The following GPN3 variants were observed in gnomAD, a reference collection of about 807,000 sequenced individuals.
The protein encoded by GPN3 is ATP-binding domain 1 family member C.
Under a neutral mutation model 38.7 loss-of-function variants are expected in GPN3, and 31 were observed. The ratio of observed to expected loss-of-function variants is 0.80; its 90% CI spans 0.60 to 1.08. The LOEUF (loss-of-function observed/expected upper bound fraction) is 1.08. Ranked by LOEUF, GPN3 falls within the 50% of genes least tolerant of loss-of-function variation. GPN3 has a pLI of 0.00. For missense variants in GPN3, 301 were observed against 354.4 expected (o/e 0.85, Z 1.21); for synonymous variants, 116 against 120.2 (o/e 0.96, Z 0.23).
Position 110,459,848 on chromosome 12 carries a change from TC to T in GPN3, c.171del (p.Ile58SerfsTer6). The T allele has an allele frequency of 6.2e-7, 1 of 1,613,986 alleles. No homozygotes were observed. Among genetic ancestry groups the T allele is most frequent in the Non-Finnish European group, 8.5e-7 (1 of 1,179,848 alleles). On this transcript the variant is annotated frameshift_variant, in exon 3 of 8. Coordinates refer to ENST00000228827, the MANE Select transcript of GPN3 (RefSeq NM_016301.4). LOFTEE classifies it high-confidence loss of function. ...NYSVMADIRELIEVDDVMEDD... is the reference protein window; with the variant it reads ...NYSVMADIREXIEVDDVMEDD... ...TCCTCCATTACATCATCCACCTCGA[TC>T]AGTTCCCGGATGTCTGAAAAGGACA...
intron 2 of GPN3, among the ~76,000 whole-genome samples, chr12:110,464,591 C>CTTTTT (rs890127843): frequency 7.4e-6 from 1 of 134,364 alleles, no homozygotes; most frequent in African/African-American, 2.7e-5. Flanking sequence ...TGTCCATTTA[C>CTTTTT]TTTTTTTTTT....
chr12:110,459,834 A>G lies in GPN3; in HGVS notation c.186T>C (p.Asp62=), dbSNP rs371265495. The change falls in exon 3 of 8, where the codon GAT becomes GAC. Residue 62 remains aspartate (D), a synonymous_variant. Transcript: ENST00000228827. ...ADIRELIEVD[D]VMEDDSLRFG... is the part of the protein sequence containing the mutation. ...ATCGCAGAGAATCATCCTCCATTAC[A>G]TCATCCACCTCGATCAGTTCCCGGA... The G allele has an allele frequency of 4.2e-5, 67 of 1,613,916 alleles. No homozygotes were observed. The highest frequency in any genetic ancestry group is 1.8e-4 in the Admixed American group (11 of 59,988).
At chr12:110,457,177 T>C (rs1426298762) in intron 4 of GPN3, among the ~76,000 whole-genome samples, 1 of 151,806 alleles carries the variant, frequency 6.6e-6, no homozygotes, top group African/African-American at 2.4e-5. Flanking sequence ...CTTGAACTCA[T>C]AGTTTAAAAA....
In GPN3 at chr12:110,458,812, G is replaced by A. The variant is rs1046695668; in HGVS notation, c.325+883C>T. Among the ~76,000 whole-genome samples the A allele has an allele frequency of 2.0e-5, 3 of 151,750 alleles. No homozygotes were observed. Among genetic ancestry groups the A allele is most frequent in the South Asian group, 2.1e-4 (1 of 4,810 alleles). On this transcript the variant is annotated intron_variant, in intron 3 of 7. Transcript: ENST00000228827. This position sits in a 1 kb window ranked among gnomAD's most constrained non-coding sequence, Gnocchi z 4.4. ...AAGAAAAAAAAAAAAGAAAATTCAC[G>A]ATTTGGCTTCAGAAGCCATGATGTG...
In GPN3 at chr12:110,457,578, C is replaced by G. The variant is rs754450751; in HGVS notation, c.382G>C (p.Glu128Gln). The change falls in exon 4 of 8, where the codon GAG becomes CAG. Residue 128 changes from glutamate (E) to glutamine (Q), a missense_variant. Physicochemically the swap from Glu to Gln is conservative, Grantham distance 29. Transcript: ENST00000228827. ...PVMKQLVQQL[E>Q]QWEFRVCGVF... Reference sequence around the variant, plus strand: ...CCACAGACTCGGAACTCCCACTGCTCGAGCTGCTGGACCAGCTGTTTCATC... The same window carrying G: ...CCACAGACTCGGAACTCCCACTGCTGGAGCTGCTGGACCAGCTGTTTCATC... 3.1e-6 allele frequency: 5 copies of G among 1,610,510 alleles called. No homozygotes were observed. The highest frequency in any genetic ancestry group is 4.2e-6 in the Non-Finnish European group (5 of 1,177,352).
Position 110,457,485 on chromosome 12 carries a change from A to G in GPN3, c.450+25T>C, listed in dbSNP as rs1342011306. On this transcript the variant is annotated intron_variant, in intron 4 of 7. Transcript: ENST00000228827. ...AAAAAAAAAAAAAAAAAAAAAAAAA[A>G]TCTGTAAGAGATTTAGCTTCAGACC... 8.1e-6 allele frequency: 10 copies of G among 1,234,176 alleles called. No individual in the cohort carries two copies. The South Asian group carries it at 1.4e-4, about 17-fold the overall frequency. The allele number at this position is 1,234,176 out of a possible 1,614,324, so 76.5% of individuals were successfully genotyped here. A position where few individuals can be genotyped will look rare whatever the true frequency, so the allele number is the denominator to read the frequency against.
chr12:110,461,697 T>G (rs1455570835), intron 2 of GPN3, among the ~76,000 whole-genome samples: 1 of 152,076 alleles, frequency 6.6e-6, no homozygotes, highest in Non-Finnish European at 1.5e-5. Flanking sequence ...TACCTTAGGT[T>G]TTTACTTATT....
chr12:110,461,341 G>T, intron 2 of GPN3: 1 of 762,368 alleles, frequency 1.3e-6, no homozygotes. Context: ...AAAATCTACA[G>T]ACAATGTCGA....
rs2062576054 is a variant in GPN3, at chr12:110,460,007, T to G, written c.158-145A>C. 11 of 638,772 alleles carry G rather than the reference T, an allele frequency of 1.7e-5. No homozygotes were observed. The South Asian group carries it at 2.1e-4, about 12-fold the overall frequency. 39.6% of individuals were successfully genotyped at this position (638,772 alleles called of 1,614,324 possible). ...TGTACATGGCTTTTCCCTGTAGCAG[T>G]GTCCATCAATAGAGAACTGAGCAAA... On this transcript the variant is annotated intron_variant, in intron 2 of 7. Transcript: ENST00000228827.
chr12:110,454,126 A>T (rs972035399), intron 6 of GPN3, among the ~76,000 whole-genome samples: 1 of 152,258 alleles, frequency 6.6e-6, no homozygotes, highest in Admixed American at 6.5e-5. Context: ...TGAATTCAAC[A>T]ACCACTGGAA....
chr12:110,453,858 C>A lies in GPN3; in HGVS notation c.677G>T (p.Ser226Ile). 6.2e-7 allele frequency: 1 copy of A among 1,605,976 alleles called. No homozygotes were observed. The highest frequency in any genetic ancestry group is 8.5e-7 in the Non-Finnish European group (1 of 1,173,920). ...ATCGTAAGGTAAAAATCGAACCATG[C>A]TGTAGTCATCAATCTACAAGTTGTG... is the stretch of plus-strand genomic sequence containing the variant. ...KAICGLIDDY[S>I]MVRFLPYDQS... The change falls in exon 7 of 8, where the codon AGC (serine) becomes ATC (isoleucine). Residue 226 changes from serine (S) to isoleucine (I), a missense_variant. By Grantham distance (142) the Ser-to-Ile change is moderately radical (BLOSUM62 -2). Coordinates refer to ENST00000228827, the MANE Select transcript of GPN3 (RefSeq NM_016301.4).
chr12:110,455,691 G>C lies in GPN3; in HGVS notation c.567-9C>G. ...TGTCTGGATCTAAAAATCTTTAAAA[G>C]ACAGAAAGACTGATGAATTCAGGAG... On this transcript the variant is annotated splice_polypyrimidine_tract_variant and intron_variant, in intron 5 of 7. Coordinates refer to ENST00000228827, the MANE Select transcript of GPN3 (RefSeq NM_016301.4). The C allele has an allele frequency of 8.7e-7, 1 of 1,149,126 alleles. No individual in the cohort carries two copies. Among genetic ancestry groups the C allele is most frequent in the Non-Finnish European group, 1.3e-6 (1 of 762,394 alleles). 71.2% of individuals were successfully genotyped at this position (1,149,126 alleles called of 1,614,324 possible).
At chr12:110,461,358 C>T in intron 2 of GPN3, 1 of 645,726 alleles carries the variant, frequency 1.5e-6, no homozygotes, top group Non-Finnish European at 2.8e-6. Flanking sequence ...TCGATGAGAA[C>T]TAATCACTGA....
chr12:110,453,080 G>T lies in GPN3; in HGVS notation c.809C>A (p.Ser270Tyr). The change falls in exon 8 of 8, where the codon TCT becomes TAT. Residue 270 changes from serine (S) to tyrosine (Y), a missense_variant. Transcript: ENST00000228827. ...AAAATATTCGTCAAACATAGAGGAA[G>T]ACTCATCTTCACGTTCCTGACACAA... ...FKEPKEREDESSSMFDEYFQE... is the reference protein window; with the variant it reads ...FKEPKEREDEYSSMFDEYFQE... 1.4e-6 allele frequency: 2 copies of T among 1,455,262 alleles called. No individual in the cohort carries two copies. The highest frequency in any genetic ancestry group is 1.2e-5 in the South Asian group (1 of 86,210). 90.1% of individuals were successfully genotyped at this position (1,455,262 alleles called of 1,614,324 possible).
At chr12:110,456,798 A>T (rs2062553328) in intron 4 of GPN3, among the ~76,000 whole-genome samples, 1 of 151,682 alleles carries the variant, frequency 6.6e-6, no homozygotes, top group African/African-American at 2.4e-5. Context: ...CCTGTACTCA[A>T]GCGATCCTCC....
At chr12:110,456,775 G>A (rs572097172) in intron 4 of GPN3, among the ~76,000 whole-genome samples, 1 of 150,132 alleles carries the variant, frequency 6.7e-6, no homozygotes, top group African/African-American at 2.5e-5. Flanking sequence ...TTGGCTCACT[G>A]CAACCTCTGC....
At chr12:110,462,146 G>A (rs945748060) in intron 2 of GPN3, among the ~76,000 whole-genome samples, 2 of 152,118 alleles carry the variant, frequency 1.3e-5, no homozygotes, top group Non-Finnish European at 2.9e-5. Context: ...CCCATCCTAA[G>A]TCCTCTTTTT....
In GPN3 at chr12:110,455,877, C is replaced by A. The variant is rs79807973; in HGVS notation, c.504G>T (p.Pro168=). ...CCATTTTTGTCATGATGTTGACTTG[C>A]GGAATTTCTAGAGAGATCATGGCAC... is the stretch of plus-strand genomic sequence containing the variant. ...ALSAMISLEI[P]QVNIMTKMDL... Residue 168 remains proline (P), a synonymous_variant, in exon 5 of 8, where the codon CCG becomes CCT. Coordinates refer to ENST00000228827, the MANE Select transcript of GPN3 (RefSeq NM_016301.4). 8.9e-3 allele frequency: 14,323 copies of A among 1,611,328 alleles called. 73 individuals carry two copies. The highest frequency in any genetic ancestry group is 0.01 in the Non-Finnish European group (11,778 of 1,177,512).
intron 1 of GPN3, among the ~76,000 whole-genome samples, chr12:110,465,707 G>A (rs974631847): frequency 6.6e-6 from 1 of 152,174 alleles, no homozygotes; most frequent in Non-Finnish European, 1.5e-5. Flanking sequence ...TCAATAAATA[G>A]TCTGGAGGTG....
Sources: gnomAD v4.1 joint callset for allele counts (sites outside exome capture counted in the v4.1 genomes callset) on GRCh38, gnomAD v4.1.1 for gene constraint, Gnocchi (gnomAD v3.1) non-coding constraint, MANE v1.5 for transcripts, NCBI Gene and HGNC (gene_info 2026-07-23, HGNC 2026-07-21) for gene names.